Variants in LIMCH1 observed in about 807,000 individuals in gnomAD.
LIMCH1 encodes LIM and calponin homology domains 1, also known as LIM and calponin homology domains-containing protein 1.
Under a neutral mutation model 176.5 loss-of-function variants are expected in LIMCH1, and 113 were observed. The ratio of observed to expected loss-of-function variants is 0.64; its 90% CI spans 0.55 to 0.75. The LOEUF (loss-of-function observed/expected upper bound fraction) is 0.75. LIMCH1 is among the 30% of genes least tolerant of loss of function. LIMCH1 has a pLI of 0.00. For missense variants in LIMCH1, 1,674 were observed against 1,814.9 expected (o/e 0.92, Z 1.41); for synonymous variants, 619 against 645.9 (o/e 0.96, Z 0.63).
chr4:41,397,352 C>T (rs988349452), intron 1 of LIMCH1, among the ~76,000 whole-genome samples: 3 of 152,104 alleles, frequency 2.0e-5, no homozygotes, highest in Non-Finnish European at 1.5e-5. Flanking sequence ...TATATATCCT[C>T]GTTGTTTGAG....
intron 1 of LIMCH1, among the ~76,000 whole-genome samples, chr4:41,573,530 C>T (rs1007986580): frequency 2.0e-5 from 3 of 152,044 alleles, no homozygotes; most frequent in African/African-American, 4.8e-5. Flanking sequence ...TGAGGACTTC[C>T]GTATATTGTT....
chr4:41,388,092 A>G (rs1332397875), intron 1 of LIMCH1, among the ~76,000 whole-genome samples: 4 of 152,244 alleles, frequency 2.6e-5, no homozygotes, highest in Admixed American at 2.6e-4. Context: ...CCTGGGCGAA[A>G]GAGCAAGACT....
In LIMCH1 at chr4:41,495,669, T is replaced by C. The variant is rs1050522392; in HGVS notation, c.167+1063T>C. On this transcript the variant is annotated intron_variant, in intron 2 of 26. Transcript: ENST00000313860. Reference sequence around the variant, plus strand: ...AATCATTTAATCACCCCAAGTCTCATTTTTTTCTAAAATCATAATAAAAAA... The same window carrying C: ...AATCATTTAATCACCCCAAGTCTCACTTTTTTCTAAAATCATAATAAAAAA... 8.5e-5 allele frequency among the ~76,000 whole-genome samples: 13 copies of C among 152,292 alleles called. No individual in the cohort carries two copies. In the East Asian group the frequency reaches 2.5e-3, roughly 29 times the overall value.
chr4:41,482,807 A>G (rs1219537210), intron 1 of LIMCH1, among the ~76,000 whole-genome samples: 1 of 152,188 alleles, frequency 6.6e-6, no homozygotes, highest in Non-Finnish European at 1.5e-5. Flanking sequence ...TCTTCATGCA[A>G]ACCTTTGGAG....
At chr4:41,482,264 TATC>T (rs2068778603) in intron 1 of LIMCH1, among the ~76,000 whole-genome samples, 1 of 152,140 alleles carries the variant, frequency 6.6e-6, no homozygotes, top group African/African-American at 2.4e-5. Context: ...AAATGTGAGT[TATC>T]ATCATCTGTG....
intron 1 of LIMCH1, among the ~76,000 whole-genome samples, chr4:41,427,955 AAAAG>A (rs1360362600): frequency 5.9e-5 from 9 of 152,112 alleles, no homozygotes; most frequent in Non-Finnish European, 7.4e-5. Context: ...AAAAAAAAAA[AAAAG>A]AAGAAGAATT....
chr4:41,497,499 A>G (rs555603230), intron 2 of LIMCH1, among the ~76,000 whole-genome samples: 1 of 152,280 alleles, frequency 6.6e-6, no homozygotes, highest in East Asian at 1.9e-4. Context: ...CTAAGATCAT[A>G]CAGATAAAAA....
At chr4:41,565,017 A>G (rs59461705) in intron 1 of LIMCH1, among the ~76,000 whole-genome samples, 10,743 of 152,204 alleles carry the variant, frequency 0.071, 1,208 homozygotes, top group African/African-American at 0.24. Flanking sequence ...TCCTTTATAA[A>G]TTACCCAGTC....
At chr4:41,438,426 A>T (rs2062329953) in intron 1 of LIMCH1, among the ~76,000 whole-genome samples, 2 of 150,834 alleles carry the variant, frequency 1.3e-5, no homozygotes, top group African/African-American at 2.4e-5. Context: ...GGCTGGACAT[A>T]ATCTCGGCTC....
At chr4:41,416,747 T>A (rs1311357970) in intron 1 of LIMCH1, among the ~76,000 whole-genome samples, 2 of 152,162 alleles carry the variant, frequency 1.3e-5, no homozygotes, top group Non-Finnish European at 2.9e-5. Flanking sequence ...ATTAGGCAGC[T>A]GATAATATTT....
upstream of LIMCH1, among the ~76,000 whole-genome samples, chr4:41,534,067 C>T (rs751850910): frequency 3.8e-4 from 58 of 152,146 alleles, no homozygotes; most frequent in Non-Finnish European, 5.1e-4. Context: ...AAGGGAATCT[C>T]GTGTTCCAGA....
At chr4:41,376,094 TC>T (rs1180320072) in intron 1 of LIMCH1, among the ~76,000 whole-genome samples, 4 of 152,222 alleles carry the variant, frequency 2.6e-5, no homozygotes, top group Non-Finnish European at 5.9e-5. Flanking sequence ...AATAAAGTTT[TC>T]CCCAAAGGTA....
chr4:41,692,725 G>A lies in LIMCH1; in HGVS notation c.4378+341G>A, dbSNP rs374927135. 11 of 200,012 alleles carry A rather than the reference G, an allele frequency of 5.5e-5. No individual in the cohort carries two copies. In the East Asian group the frequency reaches 1.2e-3, roughly 22 times the overall value. The allele number at this position is 200,012 out of a possible 1,614,324, so 12.4% of individuals were successfully genotyped here. Reference sequence around the variant, plus strand: ...GTTCAGGCATGTCTTTAGACGACTGGCACCATTTGGGGATGGTTAAATGTG... The same window carrying A: ...GTTCAGGCATGTCTTTAGACGACTGACACCATTTGGGGATGGTTAAATGTG... On this transcript the variant is annotated intron_variant, in intron 31 of 31. Coordinates refer to ENST00000503057, the MANE Select transcript of LIMCH1 (RefSeq NM_001330672.2).
rs59034676 is a variant in LIMCH1 at position 41,552,267 on chromosome 4, T to C, written c.-241+13917T>C. On this transcript the variant is annotated intron_variant, in intron 1 of 31. Coordinates refer to ENST00000503057, the MANE Select transcript of LIMCH1 (RefSeq NM_001330672.2). Reference sequence around the variant, plus strand: ...TTTGGGTGGAGACACAGCCAAACCATATCACTATGTGTTCATGAGCTGTGT... The same window carrying C: ...TTTGGGTGGAGACACAGCCAAACCACATCACTATGTGTTCATGAGCTGTGT... Among the ~76,000 whole-genome samples the C allele has an allele frequency of 1.7e-3, 263 of 152,270 alleles. 3 individuals are homozygous for C. Among genetic ancestry groups the C allele is most frequent in the African/African-American group, 5.7e-3 (236 of 41,562 alleles).
chr4:41,483,782 C>T (rs1338238282), intron 1 of LIMCH1, among the ~76,000 whole-genome samples: 8 of 152,200 alleles, frequency 5.3e-5, no homozygotes, highest in African/African-American at 1.9e-4. Context: ...TATCTCAGGA[C>T]CAACTCAAAT....
intron 1 of LIMCH1, among the ~76,000 whole-genome samples, chr4:41,572,645 G>C (rs2083744134): frequency 6.6e-6 from 1 of 152,198 alleles, no homozygotes; most frequent in African/African-American, 2.4e-5. Context: ...AGAAAACACA[G>C]AAAGGAATAA....
intron 18 of LIMCH1, among the ~76,000 whole-genome samples, chr4:41,655,648 CACTT>C (rs1387183010): frequency 6.6e-6 from 1 of 152,092 alleles, no homozygotes; most frequent in African/African-American, 2.4e-5. Flanking sequence ...TCCTTGCAGA[CACTT>C]ACATGATTCT....
At chr4:41,435,877 A>G (rs139225505) in intron 1 of LIMCH1, among the ~76,000 whole-genome samples, 28 of 152,324 alleles carry the variant, frequency 1.8e-4, no homozygotes, top group African/African-American at 6.5e-4. Flanking sequence ...GAAGTCCTAT[A>G]TTGTAGCAAC....
chr4:41,689,707 T>C (rs1342741681), intron 30 of LIMCH1, 72 bp downstream of exon 30: 2 of 946,214 alleles, frequency 2.1e-6, no homozygotes, highest in East Asian at 4.9e-5. Flanking sequence ...TGCTGAAAAA[T>C]GCCTCTTGGA....
Sources: allele counts gnomAD v4.1 joint callset (sites outside exome capture counted in the v4.1 genomes callset), GRCh38; gene constraint gnomAD v4.1.1; transcripts MANE v1.5; gene names NCBI Gene and HGNC (gene_info 2026-07-23, HGNC 2026-07-21).